The following MTSS1 variants were observed in gnomAD, a reference collection of about 807,000 sequenced individuals.
MTSS1 encodes protein MTSS 1.
MTSS1 carries 18 observed loss-of-function variants against 79.0 expected under a neutral mutation model. The observed-to-expected ratio is 0.23, with a 90% CI of 0.16 to 0.34. The LOEUF (loss-of-function observed/expected upper bound fraction) is 0.34, where lower values mean the gene tolerates loss of function less well. MTSS1 is among the 10% of genes least tolerant of loss of function. The probability of loss-of-function intolerance (pLI) is 1.00; values close to 1 mark genes in which losing one functional copy is unlikely to be tolerated. For missense variants in MTSS1, 815 were observed against 986.2 expected (o/e 0.83, Z 2.33); for synonymous variants, 341 against 368.6 (o/e 0.93, Z 0.86).
intron 13 of MTSS1, among the ~76,000 whole-genome samples, chr8:124,554,171 G>A (rs1368887147): frequency 6.6e-6 from 1 of 152,202 alleles, no homozygotes; most frequent in Non-Finnish European, 1.5e-5. Context: ...GACAATAAGG[G>A]ACAAAGACAG....
At chr8:124,716,373 G>A (rs997309597) in intron 1 of MTSS1, among the ~76,000 whole-genome samples, 61 of 152,226 alleles carry the variant, frequency 4.0e-4, no homozygotes, top group African/African-American at 1.4e-3. Context: ...AACTCATTTC[G>A]TCTGCCTGAT....
chr8:124,593,410 A>G (rs1181610912), intron 3 of MTSS1, among the ~76,000 whole-genome samples: 1 of 152,236 alleles, frequency 6.6e-6, no homozygotes, highest in Non-Finnish European at 1.5e-5. Flanking sequence ...CATTTCAGAA[A>G]TTTAACCTGC....
At chr8:124,642,444 C>T (rs530207918) in intron 3 of MTSS1, among the ~76,000 whole-genome samples, 1 of 152,298 alleles carries the variant, frequency 6.6e-6, no homozygotes, top group Admixed American at 6.5e-5. Flanking sequence ...CATCTTCCTG[C>T]CAATCACCCA....
chr8:124,662,594 T>C (rs896497072), intron 3 of MTSS1, among the ~76,000 whole-genome samples: 2 of 151,854 alleles, frequency 1.3e-5, no homozygotes, highest in African/African-American at 4.8e-5. Flanking sequence ...AGACAGGGTC[T>C]AGACATACGT....
chr8:124,571,971 T>C (rs1827888020), intron 6 of MTSS1, among the ~76,000 whole-genome samples: 1 of 152,086 alleles, frequency 6.6e-6, no homozygotes, highest in African/African-American at 2.4e-5. Context: ...CTAAAATAAA[T>C]AAATAGATAA....
chr8:124,555,538 G>A (rs1488188585), intron 13 of MTSS1, among the ~76,000 whole-genome samples: 1 of 152,128 alleles, frequency 6.6e-6, no homozygotes, highest in Non-Finnish European at 1.5e-5. Context: ...GAGCCACTGC[G>A]CCCGACCCCA....
At chr8:124,679,011 T>G (rs1825738702) in intron 3 of MTSS1, among the ~76,000 whole-genome samples, 2 of 152,224 alleles carry the variant, frequency 1.3e-5, no homozygotes, top group African/African-American at 2.4e-5. Flanking sequence ...ATTCAGGAGA[T>G]CCTTGGCATT....
Position 124,553,310 on chromosome 8 carries a change from C to A in MTSS1, c.1950G>T (p.Val650=). The A allele has an allele frequency of 6.2e-7, 1 of 1,614,148 alleles. No homozygotes were observed. Among genetic ancestry groups the A allele is most frequent in the Non-Finnish European group, 8.5e-7 (1 of 1,180,012 alleles). The change falls in exon 14 of 14, where the codon GTG becomes GTT. Residue 650 remains valine, a synonymous_variant. Coordinates refer to ENST00000518547, the MANE Select transcript of MTSS1 (RefSeq NM_014751.6). The surrounding 1 kb of genome is among the most constrained non-coding windows in gnomAD (Gnocchi z 6.0). ...TGGTGACACCTTGGGGGCCCTCACC[C>A]ACAGATGGCGACTCAGGGCTGTGCT... ...RGEHSPESPS[V]GEGPQGVTSM...
chr8:124,708,948 G>T (rs1363034357), intron 1 of MTSS1, among the ~76,000 whole-genome samples: 1 of 149,942 alleles, frequency 6.7e-6, no homozygotes, highest in African/African-American at 2.5e-5. Context: ...AAAAAAAAAA[G>T]TGAGTAAATG....
chr8:124,561,548 T>G (rs1825323736), intron 10 of MTSS1, among the ~76,000 whole-genome samples: 1 of 152,186 alleles, frequency 6.6e-6, no homozygotes. Context: ...GGAAACACTC[T>G]GTTCTACCCC....
At position 124,665,144 on chromosome 8, in the gene MTSS1, T is replaced by C. The variant is rs192810747; in HGVS notation, c.208+34382A>G. On this transcript the variant is annotated intron_variant, in intron 3 of 13. Coordinates refer to ENST00000518547, the MANE Select transcript of MTSS1 (RefSeq NM_014751.6). ...TGTTTGTACCAGATAATCTGGTCAG[T>C]AACCAGCACTTAAACTATTTGAACA... Among the ~76,000 whole-genome samples the C allele has an allele frequency of 7.1e-3, 1,089 of 152,332 alleles. 4 individuals carry two copies. Among genetic ancestry groups the C allele is most frequent in the South Asian group, 0.024 (116 of 4,828 alleles).
chr8:124,692,722 A>T (rs570062077), intron 3 of MTSS1, among the ~76,000 whole-genome samples: 2 of 152,200 alleles, frequency 1.3e-5, no homozygotes, highest in African/African-American at 4.8e-5. Context: ...TCTGAACTCC[A>T]GGGAGGAATC....
intron 10 of MTSS1, chr8:124,558,837 A>C: frequency 1.9e-6 from 3 of 1,554,368 alleles, no homozygotes; most frequent in Non-Finnish European, 2.6e-6. Context: ...CGAGTTCTGC[A>C]GCAGGGGAGG....
intron 3 of MTSS1, among the ~76,000 whole-genome samples, chr8:124,607,333 C>A (rs1415825599): frequency 1.3e-5 from 2 of 152,196 alleles, no homozygotes; most frequent in East Asian, 1.9e-4. Context: ...GATTTCCCGG[C>A]CAAACTCATC....
At chr8:124,554,491 C>A (rs1823154419) in intron 13 of MTSS1, among the ~76,000 whole-genome samples, 1 of 152,124 alleles carries the variant, frequency 6.6e-6, no homozygotes. Context: ...ATAAGACTCA[C>A]TGTCTTAGAG....
At chr8:124,666,933 TG>T (rs1443887467) in intron 3 of MTSS1, among the ~76,000 whole-genome samples, 2 of 152,124 alleles carry the variant, frequency 1.3e-5, no homozygotes, top group African/African-American at 4.8e-5. Context: ...GGGGGAGAGT[TG>T]AAGAAGCCAG....
At chr8:124,663,505 GC>G (rs1563956293) in intron 3 of MTSS1, among the ~76,000 whole-genome samples, 1 of 149,212 alleles carries the variant, frequency 6.7e-6, no homozygotes, top group South Asian at 2.2e-4. Flanking sequence ...ACCCCCACCC[GC>G]CCAATCCATG....
chr8:124,648,711 C>A (rs914008306), intron 3 of MTSS1, among the ~76,000 whole-genome samples: 5 of 149,076 alleles, frequency 3.4e-5, no homozygotes, highest in Admixed American at 2.0e-4. Context: ...AAATAGCAGC[C>A]CCCCCCCAGA....
chr8:124,594,646 G>C (rs559502324), intron 3 of MTSS1, among the ~76,000 whole-genome samples: 38 of 152,328 alleles, frequency 2.5e-4, no homozygotes, highest in African/African-American at 8.9e-4. Context: ...GGAAGCCCTA[G>C]AGAGGAGAGG....
Sources: gnomAD v4.1 joint callset for allele counts (sites outside exome capture counted in the v4.1 genomes callset) on GRCh38, gnomAD v4.1.1 for gene constraint, Gnocchi (gnomAD v3.1) non-coding constraint, MANE v1.5 for transcripts, NCBI Gene and HGNC (gene_info 2026-07-23, HGNC 2026-07-21) for gene names.